PBX1: variants seen among roughly 807,000 people sequenced by gnomAD.
PBX1 encodes PBX homeobox 1, also known as pre-B-cell leukemia transcription factor 1.
PBX1 carries 6 observed loss-of-function variants against 53.4 expected under a neutral mutation model. The ratio of observed to expected loss-of-function variants is 0.11; its 90% CI spans 0.06 to 0.22. The LOEUF (loss-of-function observed/expected upper bound fraction) is 0.22. Among genes scored for constraint, PBX1 ranks in the 10% least tolerant of loss-of-function variants. The pLI, the probability that PBX1 is intolerant of heterozygous loss-of-function variation, is 1.00. For missense variants in PBX1, 251 were observed against 551.4 expected (o/e 0.46, Z 5.46); for synonymous variants, 204 against 212.3 (o/e 0.96, Z 0.34).
At chr1:164,602,846 C>T (rs1159074756) in intron 2 of PBX1, among the ~76,000 whole-genome samples, 7 of 152,218 alleles carry the variant, frequency 4.6e-5, no homozygotes, top group East Asian at 3.9e-4. Flanking sequence ...GAATGTTTGC[C>T]GTTAAACGGT....
intron 2 of PBX1, among the ~76,000 whole-genome samples, chr1:164,619,048 TA>T (rs981022631): frequency 3.9e-5 from 6 of 152,078 alleles, no homozygotes; most frequent in African/African-American, 1.4e-4. Flanking sequence ...GAGAAAAGGG[TA>T]AAATGATCAG....
chr1:164,646,168 A>T (rs1459106237), intron 2 of PBX1, among the ~76,000 whole-genome samples: 1 of 152,202 alleles, frequency 6.6e-6, no homozygotes, highest in African/African-American at 2.4e-5. Flanking sequence ...TCTTTTCAGC[A>T]AGTCAGAATT....
intron 2 of PBX1, among the ~76,000 whole-genome samples, chr1:164,724,615 G>A (rs1410575044): frequency 1.5e-5 from 2 of 129,734 alleles, no homozygotes; most frequent in East Asian, 2.5e-4. Context: ...TTAATGATAT[G>A]TTTCATGTCT....
intron 2 of PBX1, among the ~76,000 whole-genome samples, chr1:164,741,830 A>G (rs534789102): frequency 2.6e-5 from 4 of 152,062 alleles, no homozygotes; most frequent in African/African-American, 7.2e-5. Context: ...AAAATCACCT[A>G]CGTTTCCAGA....
At chr1:164,753,856 G>C (rs1189214438) in intron 2 of PBX1, among the ~76,000 whole-genome samples, 1 of 152,178 alleles carries the variant, frequency 6.6e-6, no homozygotes, top group African/African-American at 2.4e-5. Context: ...AAGGCTCTCA[G>C]TGTTGGAAAC....
At chr1:164,770,696 T>C (rs138470557) in intron 2 of PBX1, 112 of 152,350 alleles carry the variant, frequency 7.4e-4, no homozygotes, top group African/African-American at 2.6e-3. Flanking sequence ...GCAAAGTGCA[T>C]TTCTGAAGCC....
At position 164,820,004 on chromosome 1, in the gene PBX1, G is replaced by C. The variant is rs886722695; in HGVS notation, c.998-68G>C. On this transcript the variant is annotated intron_variant, in intron 6 of 8. Coordinates refer to ENST00000420696, the MANE Select transcript of PBX1 (RefSeq NM_002585.4). ...TGCTTTGCATGTCATTCTTCCTCTT[G>C]GCTGTTAGTTGCGGGGTTTGAGCCT... 2.7e-5 allele frequency: 23 copies of C among 856,006 alleles called. No homozygotes were observed. In the Admixed American group the frequency reaches 4.7e-4, roughly 18 times the overall value. The allele number at this position is 856,006 out of a possible 1,614,324, so 53.0% of individuals were successfully genotyped here. A position where few individuals can be genotyped will look rare whatever the true frequency, so the allele number is the denominator to read the frequency against.
chr1:164,811,919 C>CTTT, intron 5 of PBX1, 71 bp from the exon 6 acceptor site: 1 of 1,368,166 alleles, frequency 7.3e-7, no homozygotes, highest in Non-Finnish European at 1.0e-6. Flanking sequence ...CCCATAAAGC[C>CTTT]TTTTTTTTCT....
chr1:164,651,032 C>T (rs1257575661), intron 2 of PBX1, among the ~76,000 whole-genome samples: 2 of 152,092 alleles, frequency 1.3e-5, no homozygotes, highest in Non-Finnish European at 2.9e-5. Flanking sequence ...CATAGCCCAG[C>T]CCAGGCATGT....
At chr1:164,806,926 C>A (rs1245268823) in intron 4 of PBX1, among the ~76,000 whole-genome samples, 1 of 152,140 alleles carries the variant, frequency 6.6e-6, no homozygotes, top group Non-Finnish European at 1.5e-5. Context: ...AGAAGCTGAT[C>A]GAAATCACCC....
chr1:164,646,552 T>C (rs1246997925), intron 2 of PBX1, among the ~76,000 whole-genome samples: 2 of 152,146 alleles, frequency 1.3e-5, no homozygotes, highest in Non-Finnish European at 2.9e-5. Flanking sequence ...TTACTTCTAA[T>C]TGTGCTCCAT....
At chr1:164,833,205 A>T (rs1484983241) in intron 8 of PBX1, among the ~76,000 whole-genome samples, 2 of 151,980 alleles carry the variant, frequency 1.3e-5, no homozygotes, top group African/African-American at 4.8e-5. Flanking sequence ...TAAAAAAACA[A>T]AAACAAAAAA....
rs1459791537 is a variant in PBX1 at position 164,849,028 on chromosome 1, A to G, written c.*2352A>G. 1.6e-6 allele frequency: 2 copies of G among 1,215,934 alleles called. No individual in the cohort carries two copies. The highest frequency in any genetic ancestry group is 1.0e-6 in the Non-Finnish European group (1 of 970,960). 75.3% of individuals were successfully genotyped at this position (1,215,934 alleles called of 1,614,324 possible). ...AGGAGCATTTTTGTGACAACTTCAT[A>G]GTGATTAGAATCAGTGGAGAACTCC... On this transcript the variant is annotated 3_prime_UTR_variant, in exon 9 of 9. Transcript: ENST00000420696.
intron 2 of PBX1, among the ~76,000 whole-genome samples, chr1:164,623,898 G>A (rs540531378): frequency 2.6e-5 from 4 of 152,334 alleles, no homozygotes; most frequent in Admixed American, 2.0e-4. Flanking sequence ...GTGACAACAA[G>A]TTGTGAAAAG....
chr1:164,795,897 A>G (rs1438584387), intron 3 of PBX1, among the ~76,000 whole-genome samples: 1 of 152,228 alleles, frequency 6.6e-6, no homozygotes, highest in Admixed American at 6.5e-5. Flanking sequence ...GCAGATAACT[A>G]TACAATAATT....
intron 2 of PBX1, among the ~76,000 whole-genome samples, chr1:164,733,804 T>A (rs1367396651): frequency 6.6e-6 from 1 of 151,988 alleles, no homozygotes; most frequent in Admixed American, 6.6e-5. Context: ...AATTATAAGA[T>A]TTTTTCTGTT....
At chr1:164,877,326 A>G (rs1672537365) in intron 2 of PBX1, among the ~76,000 whole-genome samples, 1 of 152,146 alleles carries the variant, frequency 6.6e-6, no homozygotes, top group Non-Finnish European at 1.5e-5. Flanking sequence ...ATTCCTAATA[A>G]TGATTAAACC....
At position 164,667,412 on chromosome 1, in the gene PBX1, A is replaced by AAG. The variant is rs151017823; in HGVS notation, c.265+104101_265+104102insAG. On this transcript the variant is annotated intron_variant, in intron 2 of 8. Coordinates refer to ENST00000420696, the MANE Select transcript of PBX1 (RefSeq NM_002585.4). ...GTATTTTATATAACATATGTATAAT[A>AAG]TGTGTGTGTGTGTGTGTGTGTATAT... Among the ~76,000 whole-genome samples, 3 of 147,406 alleles carry AAG rather than the reference A, an allele frequency of 2.0e-5. No homozygotes were observed. In the South Asian group the frequency reaches 6.5e-4, roughly 32 times the overall value.
intron 6 of PBX1, chr1:164,818,190 GATATT>G (rs1669968852): frequency 6.6e-6 from 1 of 152,144 alleles, no homozygotes; most frequent in Admixed American, 6.5e-5. Flanking sequence ...AGTATATAGA[GATATT>G]ATATATCTAC....
Sources: gnomAD v4.1 joint callset for allele counts (sites outside exome capture counted in the v4.1 genomes callset) on GRCh38, gnomAD v4.1.1 for gene constraint, MANE v1.5 for transcripts, NCBI Gene and HGNC (gene_info 2026-07-23, HGNC 2026-07-21) for gene names.